The following MYO3A variants were observed in gnomAD, a reference collection of about 807,000 sequenced individuals.
MYO3A encodes the protein myosin-IIIa.
In MYO3A, 180 loss-of-function variants were observed where a neutral mutation model predicts 192.7. The ratio of observed to expected loss-of-function variants is 0.93; its 90% CI spans 0.83 to 1.06. The LOEUF is 1.06. Among genes scored for constraint, MYO3A ranks in the 50% least tolerant of loss-of-function variants. The pLI is 0.00. For missense variants in MYO3A, 1,896 were observed against 1,905.0 expected, an observed-to-expected ratio of 1.00 and a Z score of 0.09; for synonymous variants, 628 against 645.3, an observed-to-expected ratio of 0.97 and a Z score of 0.41.
intron 4 of MYO3A, among the ~76,000 whole-genome samples, chr10:25,971,447 G>T (rs1838638206): frequency 6.6e-6 from 1 of 152,020 alleles, no homozygotes; most frequent in African/African-American, 2.4e-5. Context: ...AGTGCTCTTT[G>T]TTTTCTTGTG....
At chr10:26,102,254 G>A (rs866408026) in intron 17 of MYO3A, among the ~76,000 whole-genome samples, 21 of 152,116 alleles carry the variant, frequency 1.4e-4, no homozygotes, top group Non-Finnish European at 2.2e-4. Context: ...CCATCAGATC[G>A]TTTAAGGTCT....
At chr10:26,133,346 A>G (rs754984397) in intron 20 of MYO3A, among the ~76,000 whole-genome samples, 11 of 152,230 alleles carry the variant, frequency 7.2e-5, no homozygotes, top group Non-Finnish European at 1.5e-4. Context: ...GCTGATGTCC[A>G]CGTGGTTGGT....
chr10:26,084,377 A>C (rs527935931), intron 14 of MYO3A, among the ~76,000 whole-genome samples: 141 of 152,366 alleles, frequency 9.3e-4, no homozygotes, highest in African/African-American at 3.3e-3. Context: ...ATCAGTGTTC[A>C]TCAGAGAAAT....
chr10:26,071,925 C>G (rs1835231169), intron 14 of MYO3A, among the ~76,000 whole-genome samples: 1 of 152,142 alleles, frequency 6.6e-6, no homozygotes, highest in African/African-American at 2.4e-5. Flanking sequence ...CTATAAAGAA[C>G]TTTCCGAGAC....
chr10:26,120,983 A>G (rs1838829195), intron 18 of MYO3A, among the ~76,000 whole-genome samples, 181 bp downstream of exon 18: 2 of 152,170 alleles, frequency 1.3e-5, no homozygotes, highest in South Asian at 4.1e-4. Context: ...CTTCATGCTT[A>G]CAAATTAACT....
At position 26,143,583 on chromosome 10, in the gene MYO3A, A is replaced by T. The variant is rs766684053; in HGVS notation, c.2398A>T (p.Thr800Ser). The T allele has an allele frequency of 6.2e-7, 1 of 1,614,064 alleles. No individual in the cohort carries two copies. Among genetic ancestry groups the T allele is most frequent in the South Asian group, 1.1e-5 (1 of 91,080 alleles). Residue 800 changes from threonine to serine, a missense_variant, in exon 21 of 35, where the codon ACT (threonine) becomes TCT (serine). Transcript: ENST00000642920. ...TGAAGAAAGTAGATTTCCCAAGGCC[A>T]CTGACCAGACTCTTGTAGGTGAGTT... ...LDEESRFPKA[T>S]DQTLVEKFEG...
In MYO3A at chr10:26,081,139, CCCCCCCG is replaced by C. The variant is rs1340635191; in HGVS notation, c.1360-7058_1360-7052del. ...TCCCAAGATTATATGCCCTTCCCCC[CCCCCCCG>C]CCCCCGCTACCAGGGTGGGTAGGGA... On this transcript the variant is annotated intron_variant, in intron 14 of 34. Transcript: ENST00000642920. 1.5e-3 allele frequency among the ~76,000 whole-genome samples: 161 copies of C among 106,284 alleles called. 5 individuals carry two copies. The highest frequency in any genetic ancestry group is 7.0e-3 in the South Asian group (21 of 2,988). 69.7% of individuals were successfully genotyped at this position (106,284 alleles called of 152,430 possible). A position where few individuals can be genotyped will look rare whatever the true frequency, so the allele number is the denominator to read the frequency against.
chr10:26,009,819 C>T (rs1326807912), intron 6 of MYO3A, among the ~76,000 whole-genome samples: 2 of 152,152 alleles, frequency 1.3e-5, no homozygotes, highest in African/African-American at 4.8e-5. Flanking sequence ...TCTTAGTCTG[C>T]AGCTCTAAAA....
At chr10:26,055,720 T>G (rs993734816) in intron 10 of MYO3A, among the ~76,000 whole-genome samples, 2 of 152,192 alleles carry the variant, frequency 1.3e-5, no homozygotes, top group African/African-American at 4.8e-5. Context: ...TTAACATGGT[T>G]TACCCTCCTC....
intron 17 of MYO3A, among the ~76,000 whole-genome samples, chr10:26,098,247 T>G (rs1837184765): frequency 6.6e-6 from 1 of 152,204 alleles, no homozygotes; most frequent in Non-Finnish European, 1.5e-5. Context: ...TCGCCCACTT[T>G]TTGATGGGGT....
intron 4 of MYO3A, among the ~76,000 whole-genome samples, chr10:25,994,621 T>G (rs1396854759): frequency 6.6e-6 from 1 of 152,244 alleles, no homozygotes; most frequent in Non-Finnish European, 1.5e-5. Flanking sequence ...TCTTTACAAC[T>G]TGGCATGTTT....
intron 10 of MYO3A, among the ~76,000 whole-genome samples, chr10:26,061,633 T>C (rs1240209881): frequency 6.6e-6 from 1 of 152,164 alleles, no homozygotes; most frequent in Non-Finnish European, 1.5e-5. Flanking sequence ...TTTTAAGTTG[T>C]ACCATAGAAG....
At chr10:25,960,338 G>A (rs1244632235) in intron 4 of MYO3A, among the ~76,000 whole-genome samples, 1 of 152,010 alleles carries the variant, frequency 6.6e-6, no homozygotes, top group Non-Finnish European at 1.5e-5. Context: ...AAATAGCCAT[G>A]TATGTTCTTT....
At chr10:25,954,255 G>T (rs12252281) in intron 3 of MYO3A, among the ~76,000 whole-genome samples, 1 of 152,000 alleles carries the variant, frequency 6.6e-6, no homozygotes, top group Non-Finnish European at 1.5e-5. Context: ...TGTATGAATT[G>T]TTTCATATAT....
intron 10 of MYO3A, among the ~76,000 whole-genome samples, chr10:26,045,453 A>G (rs547777460): frequency 1.3e-5 from 2 of 152,330 alleles, no homozygotes; most frequent in African/African-American, 4.8e-5. Flanking sequence ...TGCACACATA[A>G]CACAGTTCCT....
At chr10:25,946,275 GGAGTGGTAATGAA>G in intron 2 of MYO3A, among the ~76,000 whole-genome samples, 1 of 152,132 alleles carries the variant, frequency 6.6e-6, no homozygotes, top group East Asian at 1.9e-4. Context: ...TAGGGCAGAT[GGAGTGGTAATGAA>G]CTCCATCCAT....
intron 33 of MYO3A, among the ~76,000 whole-genome samples, chr10:26,201,921 T>C (rs933938992): frequency 2.6e-5 from 4 of 152,192 alleles, no homozygotes; most frequent in Admixed American, 6.5e-5. Flanking sequence ...GCTTGGGCAA[T>C]TTGAACATAC....
At chr10:26,146,464 T>C (rs1285581977) in intron 22 of MYO3A, among the ~76,000 whole-genome samples, 1 of 152,144 alleles carries the variant, frequency 6.6e-6, no homozygotes, top group Non-Finnish European at 1.5e-5. Context: ...GGCTTACAGA[T>C]CAAAGTGCTC....
chr10:26,002,581 A>AGTCAGGGTGGACTAGGTAATCGGAATG (rs1564448300), intron 6 of MYO3A, among the ~76,000 whole-genome samples: 75 of 145,748 alleles, frequency 5.1e-4, no homozygotes, highest in African/African-American at 1.8e-3. Context: ...TAATCGGAAT[A>AGTCAGGGTGGACTAGGTAATCGGAATG]AGTCAGGGTG....
Sources: allele counts gnomAD v4.1 joint callset (sites outside exome capture counted in the v4.1 genomes callset), GRCh38; gene constraint gnomAD v4.1.1; transcripts MANE v1.5; gene names NCBI Gene and HGNC (gene_info 2026-07-23, HGNC 2026-07-21).